The following XRRA1 variants were observed in gnomAD, a reference collection of about 807,000 sequenced individuals.
The protein encoded by XRRA1 is X-ray radiation resistance associated 1, also known as X-ray radiation resistance-associated protein 1.
Under a neutral mutation model 80.2 loss-of-function variants are expected in XRRA1, and 69 were observed. The ratio of observed to expected loss-of-function variants is 0.86; its 90% CI spans 0.71 to 1.05. The LOEUF (loss-of-function observed/expected upper bound fraction) is 1.05, where lower values mean the gene tolerates loss of function less well. Ranked by LOEUF, XRRA1 falls within the 50% of genes least tolerant of loss-of-function variation. The probability of loss-of-function intolerance (pLI) is 0.00; values close to 1 mark genes in which losing one functional copy is unlikely to be tolerated. For missense variants in XRRA1, 967 were observed against 976.4 expected, an observed-to-expected ratio of 0.99 and a Z score of 0.13; for synonymous variants, 348 against 389.9, an observed-to-expected ratio of 0.89 and a Z score of 1.27.
At chr11:74,881,974 C>A (rs1244653044) in intron 10 of XRRA1, among the ~76,000 whole-genome samples, 1 of 147,194 alleles carries the variant, frequency 6.8e-6, no homozygotes, top group Non-Finnish European at 1.5e-5. Context: ...GTGAATCTGA[C>A]AATTATGTGT....
chr11:74,843,347 C>T lies in XRRA1; in HGVS notation c.2256G>A (p.Val752=), dbSNP rs755330254. The stretch of plus-strand genomic sequence containing the variant: ...CGAACACTGTGCGCAGAGAGCCACT[C>T]ACCAGCTGCCGGTAACGTGCCTGGA... The part of the protein sequence containing the change: ...KEFQARYRQL[V]SGSLRTVFGT... Residue 752 remains valine (V), a synonymous_variant, in exon 19 of 19, where the codon GTG becomes GTA. Transcript: ENST00000684022. 1.2e-6 allele frequency: 2 copies of T among 1,610,448 alleles called. No individual in the cohort carries two copies. The highest frequency in any genetic ancestry group is 2.2e-5 in the South Asian group (2 of 90,280).
At position 74,852,159 on chromosome 11, in the gene XRRA1, G is replaced by T. The variant is rs960199550; in HGVS notation, c.1171-77C>A. The T allele has an allele frequency of 3.3e-6, 4 of 1,203,942 alleles. No homozygotes were observed. The African/African-American group carries it at 4.5e-5, about 13-fold the overall frequency. 74.6% of individuals were successfully genotyped at this position (1,203,942 alleles called of 1,614,324 possible). A position where few individuals can be genotyped will look rare whatever the true frequency, so the allele number is the denominator to read the frequency against. On this transcript the variant is annotated intron_variant, in intron 12 of 18. Transcript: ENST00000684022. ...CCCAGGTATGTCTAGGCCCCTCACT[G>T]CAGGGCTACATGCTTGCTAGGATTG...
intron 8 of XRRA1, among the ~76,000 whole-genome samples, chr11:74,914,927 C>T (rs1200611069): frequency 6.6e-6 from 1 of 152,114 alleles, no homozygotes; most frequent in Non-Finnish European, 1.5e-5. Flanking sequence ...ATTCCTATGG[C>T]GCATACTCCT....
At chr11:74,898,574 T>C (rs1223521143) in intron 10 of XRRA1, among the ~76,000 whole-genome samples, 2 of 152,060 alleles carry the variant, frequency 1.3e-5, no homozygotes, top group African/African-American at 2.4e-5. Flanking sequence ...AGATATTCCA[T>C]GCAAGTGGAA....
intron 7 of XRRA1, among the ~76,000 whole-genome samples, chr11:74,922,906 T>C (rs750336120): frequency 6.6e-6 from 1 of 152,206 alleles, no homozygotes; most frequent in African/African-American, 2.4e-5. Context: ...GTCATCATCA[T>C]CATCATCATT....
intron 12 of XRRA1, among the ~76,000 whole-genome samples, chr11:74,852,923 A>G (rs78095314): frequency 0.011 from 1,611 of 152,340 alleles, 33 homozygotes; most frequent in African/African-American, 0.035. Flanking sequence ...AAGGTACTGA[A>G]GTCCAAGGGC....
rs1234887519 is a variant in XRRA1 at position 74,945,061 on chromosome 11, T to C, written c.-48A>G. On this transcript the variant is annotated 5_prime_UTR_variant, in exon 2 of 19. Transcript: ENST00000684022. Reference sequence around the variant, plus strand: ...AATGGCCCCTTAACTTCCTTTTTTTTTTGTTTCTTCACTTGTTTCTTTGCC... The same window carrying C: ...AATGGCCCCTTAACTTCCTTTTTTTCTTGTTTCTTCACTTGTTTCTTTGCC... 1 of 152,656 alleles carries C rather than the reference T, an allele frequency of 6.6e-6. No individual in the cohort carries two copies. The highest frequency in any genetic ancestry group is 1.5e-5 in the Non-Finnish European group (1 of 68,042). 9.5% of individuals were successfully genotyped at this position (152,656 alleles called of 1,614,324 possible).
Position 74,921,339 on chromosome 11 carries a change from G to A in XRRA1, c.531C>T (p.Asp177=). The A allele has an allele frequency of 1.2e-6, 2 of 1,613,940 alleles. No individual in the cohort carries two copies. Among genetic ancestry groups the A allele is most frequent in the South Asian group, 2.2e-5 (2 of 91,068 alleles). The part of the protein sequence containing the change: ...YGDFKLLEFL[D]LSFNSLTVEA... ...CCACAGTCAGGCTGTTGAAGGAAAG[G>A]TCCAAGAACTGCCATGCAAAGATGA... is the stretch of plus-strand genomic sequence containing the variant. Residue 177 remains aspartate (D), a synonymous_variant, in exon 8 of 19, where the codon GAC becomes GAT. Coordinates refer to ENST00000684022, the MANE Select transcript of XRRA1 (RefSeq NM_001378157.1).
chr11:74,885,543 C>T (rs2048821620), intron 10 of XRRA1, among the ~76,000 whole-genome samples: 1 of 152,074 alleles, frequency 6.6e-6, no homozygotes, highest in South Asian at 2.1e-4. Context: ...CCTGAATAGA[C>T]CAATAACAAG....
At chr11:74,846,238 A>G (rs1490299180) in intron 15 of XRRA1, 1 of 152,220 alleles carries the variant, frequency 6.6e-6, no homozygotes, top group African/African-American at 2.4e-5. Context: ...GTGAATATAT[A>G]TTATATATAC....
intron 11 of XRRA1, among the ~76,000 whole-genome samples, chr11:74,860,411 G>T (rs909893171): frequency 1.3e-5 from 2 of 152,216 alleles, no homozygotes; most frequent in Non-Finnish European, 2.9e-5. Flanking sequence ...AAGTCATACT[G>T]CAGTACAGAA....
At chr11:74,849,279 A>G (rs541432777) in intron 14 of XRRA1, among the ~76,000 whole-genome samples, 3 of 152,310 alleles carry the variant, frequency 2.0e-5, no homozygotes, top group African/African-American at 4.8e-5. Flanking sequence ...GCTAGAATAC[A>G]GGTCTATCCT....
rs951595474 is a variant in XRRA1 at position 74,949,090 on chromosome 11, G to C, written c.-235C>G. The C allele has an allele frequency of 1.9e-5, 10 of 532,528 alleles. No individual in the cohort carries two copies. Among genetic ancestry groups the C allele is most frequent in the African/African-American group, 1.7e-4 (9 of 51,944 alleles). The allele number at this position is 532,528 out of a possible 1,614,324, so 33.0% of individuals were successfully genotyped here. On this transcript the variant is annotated 5_prime_UTR_variant, in exon 1 of 19. Transcript: ENST00000684022. ...AGTAACTGCGACGCGACGGCAGACAGTGTAGGCGGCAACCGACGGCCGGGA... is the reference window on the plus strand; with the variant it reads ...AGTAACTGCGACGCGACGGCAGACACTGTAGGCGGCAACCGACGGCCGGGA...
chr11:74,937,529 T>C (rs1945282375), intron 3 of XRRA1, among the ~76,000 whole-genome samples: 1 of 152,068 alleles, frequency 6.6e-6, no homozygotes, highest in African/African-American at 2.4e-5. Flanking sequence ...AGGTTCCATC[T>C]TCCCAGACCT....
rs1301820584 is a variant in XRRA1, at chr11:74,907,180, G to A, written c.750C>T (p.Asn250=). Residue 250 remains asparagine, a synonymous_variant, in exon 9 of 19, where the codon AAC becomes AAT. Transcript: ENST00000684022. Reference sequence around the variant, plus strand: ...CAGCCAGGCTGGCAAAGCAACTGGGGTTGGAGAGTCTGTTGTCATCCAGCA... The same window carrying A: ...CAGCCAGGCTGGCAAAGCAACTGGGATTGGAGAGTCTGTTGTCATCCAGCA... ...TLMLDDNRLS[N]PSCFASLAGL... 1 of 1,613,988 alleles carries A rather than the reference G, an allele frequency of 6.2e-7. No individual in the cohort carries two copies. The highest frequency in any genetic ancestry group is 8.5e-7 in the Non-Finnish European group (1 of 1,179,884).
chr11:74,851,169 C>A lies in XRRA1; in HGVS notation c.1299G>T (p.Glu433Asp). 1 of 1,613,120 alleles carries A rather than the reference C, an allele frequency of 6.2e-7. No homozygotes were observed. Among genetic ancestry groups the A allele is most frequent in the Non-Finnish European group, 8.5e-7 (1 of 1,179,412 alleles). ...TTCGAATTAAGTGGATTCCCAGTCG[C>A]TCCTGGAGGAAGCTCTTCAGCAGTG... The part of the protein sequence containing the change: ...VPPLLKSFLQ[E>D]RLGIHLIRRK... Residue 433 changes from glutamate (E) to aspartate (D), a missense_variant, in exon 14 of 19, where the codon GAG (glutamate) becomes GAT (aspartate). Glu to Asp is a conservative substitution (Grantham distance 45). Coordinates refer to ENST00000684022, the MANE Select transcript of XRRA1 (RefSeq NM_001378157.1).
Position 74,840,990 on chromosome 11 carries a change from A to C in XRRA1, c.*2210T>G, listed in dbSNP as rs896937445. ...TTCCTGATTTTTTTCAGTTAGTTAG[A>C]GTTAAATGTACCTATAGCCCCTGAA... On this transcript the variant is annotated 3_prime_UTR_variant, in exon 19 of 19. Coordinates refer to ENST00000684022, the MANE Select transcript of XRRA1 (RefSeq NM_001378157.1). 6 of 152,072 alleles carry C rather than the reference A, an allele frequency of 3.9e-5. No individual in the cohort carries two copies. The highest frequency in any genetic ancestry group is 7.2e-5 in the African/African-American group (3 of 41,402). The allele number at this position is 152,072 out of a possible 1,614,324, so 9.4% of individuals were successfully genotyped here. A position where few individuals can be genotyped will look rare whatever the true frequency, so the allele number is the denominator to read the frequency against.
chr11:74,845,130 G>A lies in XRRA1; in HGVS notation c.1870C>T (p.His624Tyr). ...LPTAFLPSKY[H>Y]GYEELLTAKP... ...GCTGTCAGCAGTTCTTCATAGCCGT[G>A]GTACTTGCTGGGAAGGAAGGCAGTT... The change falls in exon 16 of 19, where the codon CAC (histidine) becomes TAC (tyrosine). Residue 624 changes from histidine (H) to tyrosine (Y), a missense_variant. Coordinates refer to ENST00000684022, the MANE Select transcript of XRRA1 (RefSeq NM_001378157.1). 2 of 1,614,010 alleles carry A rather than the reference G, an allele frequency of 1.2e-6. No homozygotes were observed. Among genetic ancestry groups the A allele is most frequent in the Admixed American group, 3.3e-5 (2 of 60,032 alleles).
intron 4 of XRRA1, among the ~76,000 whole-genome samples, chr11:74,935,702 T>A (rs948706533): frequency 1.3e-5 from 2 of 152,018 alleles, no homozygotes; most frequent in African/African-American, 4.8e-5. Context: ...GGATTTGGAG[T>A]AGGAGCATTG....
Sources: allele counts gnomAD v4.1 joint callset (sites outside exome capture counted in the v4.1 genomes callset), GRCh38; gene constraint gnomAD v4.1.1; transcripts MANE v1.5; gene names NCBI Gene and HGNC (gene_info 2026-07-23, HGNC 2026-07-21).